The following PRELID2 variants were observed in gnomAD, a reference collection of about 807,000 sequenced individuals.
PRELID2 encodes PRELI domain-containing protein 2.
In PRELID2, 25 loss-of-function variants were observed where a neutral mutation model predicts 28.4. The ratio of observed to expected loss-of-function variants is 0.88; its 90% CI spans 0.64 to 1.23. The LOEUF is 1.23. Among genes scored for constraint, PRELID2 ranks in the 50% most tolerant of loss-of-function variants. The pLI, the probability that PRELID2 is intolerant of heterozygous loss-of-function variation, is 0.00. For synonymous variants in PRELID2, 76 were observed against 71.6 expected (o/e 1.06, Z -0.31); for missense variants, 201 against 214.4 (o/e 0.94, Z 0.39).
chr5:145,474,115 A>C (rs1437475218), intron 1 of PRELID2, among the ~76,000 whole-genome samples: 4 of 152,240 alleles, frequency 2.6e-5, no homozygotes, highest in African/African-American at 9.6e-5. Context: ...TTACGCCCAC[A>C]TGGGCAGGAT....
the PRELID2 span, among the ~76,000 whole-genome samples, chr5:145,300,029 A>G: frequency 6.6e-6 from 1 of 151,958 alleles, no homozygotes; most frequent in Non-Finnish European, 1.5e-5. Context: ...AATATATTTG[A>G]TGTATTGTAA....
chr5:145,726,116 CCCTGAT>C (rs1304178579), intron 1 of PRELID2, among the ~76,000 whole-genome samples: 16 of 151,638 alleles, frequency 1.1e-4, no homozygotes, highest in African/African-American at 3.6e-4. Context: ...TTGCAGTGAA[CCCTGAT>C]CCTGCCACTG....
Position 145,796,431 on chromosome 5 carries a change from A to C in PRELID2, c.474+11T>G. The C allele has an allele frequency of 6.3e-7, 1 of 1,584,702 alleles. No individual in the cohort carries two copies. Among genetic ancestry groups the C allele is most frequent in the East Asian group, 2.3e-5 (1 of 44,422 alleles). Reference sequence around the variant, plus strand: ...AAAATTAATGTTGGTTCAAAGCAGAAATATGGTTACCTTCTGGGCTCCCTG... The same window carrying C: ...AAAATTAATGTTGGTTCAAAGCAGACATATGGTTACCTTCTGGGCTCCCTG... On this transcript the variant is annotated intron_variant, in intron 5 of 6. Coordinates refer to ENST00000683046, the MANE Select transcript of PRELID2 (RefSeq NM_205846.3).
chr5:145,782,895 T>C (rs940394267), intron 5 of PRELID2, among the ~76,000 whole-genome samples: 1 of 152,242 alleles, frequency 6.6e-6, no homozygotes, highest in African/African-American at 2.4e-5. Flanking sequence ...AATTGCCTAA[T>C]TGAAAATGAC....
chr5:145,580,726 C>G (rs1226492339), intron 1 of PRELID2, among the ~76,000 whole-genome samples: 1 of 152,026 alleles, frequency 6.6e-6, no homozygotes, highest in Non-Finnish European at 1.5e-5. Flanking sequence ...CCTGAGAACC[C>G]AGGTGCCATC....
the PRELID2 span, among the ~76,000 whole-genome samples, chr5:145,357,572 T>C: frequency 6.6e-6 from 1 of 152,166 alleles, no homozygotes; most frequent in East Asian, 1.9e-4. Flanking sequence ...TTGAAGTGAG[T>C]TGAGTTTCTT....
chr5:145,577,554 GAAGAAA>G (rs1332449376), intron 1 of PRELID2, among the ~76,000 whole-genome samples: 1 of 151,598 alleles, frequency 6.6e-6, no homozygotes, highest in Admixed American at 6.6e-5. Context: ...AATACAGTCA[GAAGAAA>G]AAGAAAAAGA....
the PRELID2 span, among the ~76,000 whole-genome samples, chr5:145,349,153 C>A: frequency 6.6e-6 from 1 of 152,032 alleles, no homozygotes; most frequent in Non-Finnish European, 1.5e-5. Flanking sequence ...TGAGTGCTTG[C>A]AAAAATACAT....
At chr5:145,752,632 C>A (rs1757153893), downstream of PRELID2, among the ~76,000 whole-genome samples, 1 of 152,176 alleles carries the variant, frequency 6.6e-6, no homozygotes, top group Non-Finnish European at 1.5e-5. Context: ...GGTTTTCCTC[C>A]ATCACCCTCA....
chr5:145,728,733 C>T lies in PRELID2; in HGVS notation n.70+36198G>A, dbSNP rs564684505. ...TATAGCCCAGAACAGTGTCTTAAAACTCTCTTCAACTGTTGTGAAGGCTTC... is the reference window on the plus strand; with the variant it reads ...TATAGCCCAGAACAGTGTCTTAAAATTCTCTTCAACTGTTGTGAAGGCTTC... On this transcript the variant is annotated intron_variant and non_coding_transcript_variant, in intron 1 of 2. Coordinates refer to the PRELID2 transcript ENST00000510259. 37 of 1,530,848 alleles carry T rather than the reference C, an allele frequency of 2.4e-5. No homozygotes were observed. In the African/African-American group the frequency reaches 4.9e-4, roughly 20 times the overall value. The allele number at this position is 1,530,848 out of a possible 1,614,324, so 94.8% of individuals were successfully genotyped here. A position where few individuals can be genotyped will look rare whatever the true frequency, so the allele number is the denominator to read the frequency against.
exon 2 of PRELID2, chr5:145,473,244 C>T (rs1223067789): frequency 6.6e-6 from 1 of 152,198 alleles, no homozygotes; most frequent in African/African-American, 2.4e-5. Context: ...GATGTTAACA[C>T]AGGCTCTTGA....
At chr5:145,626,452 T>A (rs765183870) in intron 1 of PRELID2, among the ~76,000 whole-genome samples, 1 of 151,982 alleles carries the variant, frequency 6.6e-6, no homozygotes, top group Non-Finnish European at 1.5e-5. Context: ...CAGAGAAATG[T>A]AAATTAAAAC....
At chr5:145,638,532 A>G (rs933797938) in intron 1 of PRELID2, among the ~76,000 whole-genome samples, 1 of 152,236 alleles carries the variant, frequency 6.6e-6, no homozygotes, top group Admixed American at 6.5e-5. Flanking sequence ...AAGTACTAGA[A>G]GAGCATAAGC....
chr5:145,456,069 C>T, the PRELID2 span, among the ~76,000 whole-genome samples: 1 of 152,204 alleles, frequency 6.6e-6, no homozygotes, highest in Non-Finnish European at 1.5e-5. Flanking sequence ...CAGGGCCTGA[C>T]CCCTGACTTC....
chr5:145,744,850 C>G (rs1756945586), intron 1 of PRELID2, among the ~76,000 whole-genome samples: 1 of 151,892 alleles, frequency 6.6e-6, no homozygotes, highest in Non-Finnish European at 1.5e-5. Flanking sequence ...CATAATTGGA[C>G]AGGGGATGAG....
chr5:145,437,013 T>G, the PRELID2 span: 1 of 152,228 alleles, frequency 6.6e-6, no homozygotes, highest in African/African-American at 2.4e-5. Flanking sequence ...TGACAGCAAG[T>G]AATGTGCTTC....
the PRELID2 span, among the ~76,000 whole-genome samples, chr5:145,454,954 C>T: frequency 1.3e-5 from 2 of 152,102 alleles, no homozygotes; most frequent in African/African-American, 4.8e-5. Context: ...ATGATAGTTT[C>T]TTTTGCTGTG....
At chr5:145,405,235 G>T in the PRELID2 span, among the ~76,000 whole-genome samples, 1 of 151,978 alleles carries the variant, frequency 6.6e-6, no homozygotes, top group Admixed American at 6.6e-5. Flanking sequence ...AGAAAATGTA[G>T]CCAAGTAGAT....
chr5:145,640,493 A>T (rs1360212088), intron 1 of PRELID2, among the ~76,000 whole-genome samples: 2 of 148,488 alleles, frequency 1.3e-5, no homozygotes, highest in Non-Finnish European at 3.0e-5. Context: ...AAAAAAAAAA[A>T]ATTGGCCGGC....
Sources: gnomAD v4.1 joint callset for allele counts (sites outside exome capture counted in the v4.1 genomes callset) on GRCh38, gnomAD v4.1.1 for gene constraint, MANE v1.5 for transcripts, NCBI Gene and HGNC (gene_info 2026-07-23, HGNC 2026-07-21) for gene names.